Variants in CDKAL1 observed in about 807,000 individuals in gnomAD.
CDKAL1 encodes the protein CDKAL1 threonylcarbamoyladenosine tRNA methylthiotransferase.
Under a neutral mutation model 68.2 loss-of-function variants are expected in CDKAL1, and 32 were observed. The observed-to-expected ratio is 0.47, with a 90% confidence interval of 0.35 to 0.63. CDKAL1 has a LOEUF of 0.63. Ranked by LOEUF, CDKAL1 falls within the 30% of genes least tolerant of loss-of-function variation. CDKAL1 has a pLI of 0.00. For missense variants in CDKAL1, 606 were observed against 696.7 expected (o/e 0.87, Z 1.47); for synonymous variants, 234 against 244.3 (o/e 0.96, Z 0.39).
At chr6:20,964,782 A>C (rs1007430465) in intron 10 of CDKAL1, among the ~76,000 whole-genome samples, 2 of 152,196 alleles carry the variant, frequency 1.3e-5, no homozygotes, top group South Asian at 4.1e-4. Flanking sequence ...TGTACCCCTG[A>C]ACTTAAACAG....
intron 5 of CDKAL1, among the ~76,000 whole-genome samples, chr6:20,672,672 GT>G (rs1166787754): frequency 6.6e-6 from 1 of 151,878 alleles, no homozygotes; most frequent in Admixed American, 6.6e-5. Flanking sequence ...TCTTTTTAAA[GT>G]GTTTTTCTGA....
intron 15 of CDKAL1, among the ~76,000 whole-genome samples, chr6:21,201,957 T>TAA (rs551965098): frequency 4.1e-5 from 6 of 145,602 alleles, no homozygotes; most frequent in Non-Finnish European, 6.1e-5. Context: ...GTTAAGCGCT[T>TAA]AAAAAAAAAA....
chr6:21,204,415 T>C (rs1178371923), intron 15 of CDKAL1, among the ~76,000 whole-genome samples: 1 of 152,204 alleles, frequency 6.6e-6, no homozygotes, highest in East Asian at 1.9e-4. Context: ...AGAAATATAC[T>C]AGTAAATACC....
At chr6:20,912,033 T>G (rs1762490630) in intron 9 of CDKAL1, among the ~76,000 whole-genome samples, 2 of 152,226 alleles carry the variant, frequency 1.3e-5, no homozygotes, top group African/African-American at 2.4e-5. Flanking sequence ...CCCAATAGTT[T>G]GCTAGTTCTT....
intron 15 of CDKAL1, among the ~76,000 whole-genome samples, chr6:21,214,698 A>G (rs908576907): frequency 7.9e-5 from 12 of 151,720 alleles, no homozygotes; most frequent in African/African-American, 2.9e-4. Flanking sequence ...ACTCTACTCT[A>G]TTTTCTCCAT....
At chr6:21,122,647 T>G (rs1162889162) in intron 13 of CDKAL1, among the ~76,000 whole-genome samples, 6 of 151,834 alleles carry the variant, frequency 4.0e-5, no homozygotes, top group Admixed American at 3.9e-4. Context: ...TTTATTTATT[T>G]ATTTAGAGAC....
chr6:20,918,009 G>T lies in CDKAL1; in HGVS notation c.743-37410G>T, dbSNP rs147668711. Among the ~76,000 whole-genome samples, 251 of 152,312 alleles carry T rather than the reference G, an allele frequency of 1.6e-3. 2 individuals carry two copies. The highest frequency in any genetic ancestry group is 5.9e-3 in the African/African-American group (246 of 41,566). On this transcript the variant is annotated intron_variant, in intron 9 of 15. Transcript: ENST00000274695. Reference sequence around the variant, plus strand: ...GCCTGTGGTCCTAGCTACTCAGGTGGTTGAGGCATAAGAATTGTTTTAGCC... The same window carrying T: ...GCCTGTGGTCCTAGCTACTCAGGTGTTTGAGGCATAAGAATTGTTTTAGCC...
chr6:20,868,784 A>G (rs1760039597), intron 9 of CDKAL1, among the ~76,000 whole-genome samples: 1 of 152,232 alleles, frequency 6.6e-6, no homozygotes, highest in South Asian at 2.1e-4. Flanking sequence ...CGGTTTTATC[A>G]GCATGGGCCG....
At chr6:21,138,884 G>A (rs9465971) in intron 13 of CDKAL1, among the ~76,000 whole-genome samples, 38,161 of 152,072 alleles carry the variant, frequency 0.25, 4,882 homozygotes, top group South Asian at 0.34. Context: ...TGTCTCCTCC[G>A]GCAGCAAGCT....
intron 12 of CDKAL1, among the ~76,000 whole-genome samples, chr6:21,076,764 T>G (rs551809453): frequency 6.6e-6 from 1 of 152,342 alleles, no homozygotes; most frequent in African/African-American, 2.4e-5. Context: ...TTAGAAAGAC[T>G]ATCTTGGCAT....
intron 11 of CDKAL1, among the ~76,000 whole-genome samples, chr6:21,046,115 C>G (rs1390431468): frequency 1.3e-5 from 2 of 152,184 alleles, no homozygotes; most frequent in African/African-American, 4.8e-5. Flanking sequence ...ACTGATTACT[C>G]TGAGGATTAA....
intron 4 of CDKAL1, among the ~76,000 whole-genome samples, chr6:20,622,370 A>T (rs1202833250): frequency 6.6e-6 from 1 of 152,188 alleles, no homozygotes; most frequent in Non-Finnish European, 1.5e-5. Flanking sequence ...TATTAAAAAA[A>T]CTAAGGATTG....
chr6:20,943,358 A>AG (rs1764086742), intron 9 of CDKAL1, among the ~76,000 whole-genome samples: 10 of 150,240 alleles, frequency 6.7e-5, no homozygotes, highest in Admixed American at 4.0e-4. Flanking sequence ...AAAGAAAAAA[A>AG]GAAAAAAAAA....
chr6:20,614,485 A>T (rs1046650461), intron 4 of CDKAL1, among the ~76,000 whole-genome samples: 2 of 152,086 alleles, frequency 1.3e-5, no homozygotes, highest in African/African-American at 2.4e-5. Flanking sequence ...CTTTAATTCG[A>T]ATGCATCTAC....
intron 4 of CDKAL1, among the ~76,000 whole-genome samples, chr6:20,625,306 A>G (rs1767377404): frequency 6.6e-6 from 1 of 152,118 alleles, no homozygotes; most frequent in East Asian, 1.9e-4. Flanking sequence ...TCTATCAAAT[A>G]TAAAAAAGCC....
chr6:21,167,940 C>T (rs1301694339), intron 13 of CDKAL1, among the ~76,000 whole-genome samples: 3 of 152,146 alleles, frequency 2.0e-5, no homozygotes, highest in East Asian at 1.9e-4. Flanking sequence ...GATAAGTAGA[C>T]GTGCACACCC....
chr6:21,170,340 G>A (rs377295430), intron 13 of CDKAL1, among the ~76,000 whole-genome samples: 1 of 152,054 alleles, frequency 6.6e-6, no homozygotes, highest in Non-Finnish European at 1.5e-5. Context: ...TGGTTGGTTT[G>A]TTGGTTTGTT....
At chr6:20,741,722 T>C (rs1773468868) in intron 6 of CDKAL1, among the ~76,000 whole-genome samples, 2 of 152,084 alleles carry the variant, frequency 1.3e-5, no homozygotes, top group African/African-American at 2.4e-5. Flanking sequence ...TATGTCATTG[T>C]AGGTTGATTC....
intron 9 of CDKAL1, among the ~76,000 whole-genome samples, chr6:20,864,989 G>A (rs186479624): frequency 1.4e-3 from 208 of 152,134 alleles, no homozygotes; most frequent in Non-Finnish European, 1.7e-3. Flanking sequence ...GCATTTTGCC[G>A]TTTTATGGTC....
Sources: gnomAD v4.1 joint callset for allele counts (sites outside exome capture counted in the v4.1 genomes callset) on GRCh38, gnomAD v4.1.1 for gene constraint, MANE v1.5 for transcripts, NCBI Gene and HGNC (gene_info 2026-07-23, HGNC 2026-07-21) for gene names.